KIF3A: variants seen among roughly 807,000 people sequenced by gnomAD.
KIF3A encodes the protein kinesin family member 3A.
Under a neutral mutation model 92.6 loss-of-function variants are expected in KIF3A, and 27 were observed. The observed-to-expected ratio is 0.29, with a 90% CI of 0.21 to 0.40. The LOEUF is 0.40. Among genes scored for constraint, KIF3A ranks in the 10% least tolerant of loss-of-function variants. The pLI is 1.00. For synonymous variants in KIF3A, 250 were observed against 275.4 expected, an observed-to-expected ratio of 0.91 and a Z score of 0.92; for missense variants, 581 against 872.6, an observed-to-expected ratio of 0.67 and a Z score of 4.21.
rs966174399 is a variant in KIF3A, at chr5:132,700,386, C to T, written c.1939-102G>A. The stretch of plus-strand genomic sequence containing the variant: ...AAATCCTAACATTACACTAGTAAAA[C>T]ATGATTTGAATGCTAGAGCAGAAAG... On this transcript the variant is annotated intron_variant, in intron 16 of 18. Transcript: ENST00000403231. The T allele has an allele frequency of 1.9e-4, 144 of 776,182 alleles. No homozygotes were observed. The African/African-American group carries it at 2.3e-3, about 13-fold the overall frequency. The allele number at this position is 776,182 out of a possible 1,614,324, so 48.1% of individuals were successfully genotyped here.
At position 132,737,458 on chromosome 5, in the gene KIF3A, G is replaced by A. The variant is rs1382328832; in HGVS notation, c.-39C>T. The A allele has an allele frequency of 6.3e-7, 1 of 1,599,992 alleles. No individual in the cohort carries two copies. Among genetic ancestry groups the A allele is most frequent in the Non-Finnish European group, 8.5e-7 (1 of 1,174,048 alleles). On this transcript the variant is annotated 5_prime_UTR_variant, in exon 1 of 19. Transcript: ENST00000403231. Reference sequence around the variant, plus strand: ...CGTGCCCGGCGGACGTCCCCGCCCGGGGTGCAGCCCAGCGACACCGGGTGC... The same window carrying A: ...CGTGCCCGGCGGACGTCCCCGCCCGAGGTGCAGCCCAGCGACACCGGGTGC...
At chr5:132,724,813 A>T (rs1377408307) in intron 4 of KIF3A, among the ~76,000 whole-genome samples, 303 of 7,480 alleles carry the variant, frequency 0.041, 31 homozygotes, top group African/African-American at 0.086. Flanking sequence ...AAAAATATAT[A>T]TATATATATA....
intron 4 of KIF3A, among the ~76,000 whole-genome samples, chr5:132,724,800 AAAAAAAATATATAT>A (rs1561708542): frequency 1.4e-4 from 5 of 36,902 alleles, no homozygotes; most frequent in African/African-American, 6.0e-4. Flanking sequence ...AATAAAAAAA[AAAAAAAATATATAT>A]ATATATATAT....
chr5:132,719,392 T>C (rs1476816708), intron 5 of KIF3A, among the ~76,000 whole-genome samples: 1 of 152,244 alleles, frequency 6.6e-6, no homozygotes. Context: ...AATTGATTTT[T>C]GAAGTTTTGT....
chr5:132,709,057 T>C lies in KIF3A; in HGVS notation c.1229-79A>G, dbSNP rs1753325484. ...AATGAACACACACACAGAGAAAAATTCAGTTTTCAGAGAAAAAAATTTTAA... is the reference window on the plus strand; with the variant it reads ...AATGAACACACACACAGAGAAAAATCCAGTTTTCAGAGAAAAAAATTTTAA... On this transcript the variant is annotated intron_variant, in intron 9 of 18. Transcript: ENST00000403231. The C allele has an allele frequency of 8.7e-6, 10 of 1,147,768 alleles. No homozygotes were observed. In the South Asian group the frequency reaches 1.4e-4, roughly 16 times the overall value. 71.1% of individuals were successfully genotyped at this position (1,147,768 alleles called of 1,614,324 possible).
rs1483076369 is a variant in KIF3A, at chr5:132,692,668, C to T, written c.*3966G>A. The stretch of plus-strand genomic sequence containing the variant: ...TTTTTATTCTTATTTAACCATGCTG[C>T]ATGTATACATACAATACCAATATAT... On this transcript the variant is annotated 3_prime_UTR_variant, in exon 19 of 19. Transcript: ENST00000403231. 1.3e-5 allele frequency: 2 copies of T among 152,638 alleles called. No individual in the cohort carries two copies. Among genetic ancestry groups the T allele is most frequent in the Non-Finnish European group, 2.9e-5 (2 of 68,030 alleles). The allele number at this position is 152,638 out of a possible 1,614,324, so 9.5% of individuals were successfully genotyped here. A position where few individuals can be genotyped will look rare whatever the true frequency, so the allele number is the denominator to read the frequency against.
chr5:132,714,551 T>C lies in KIF3A; in HGVS notation c.1129+1206A>G, dbSNP rs577279587. Among the ~76,000 whole-genome samples, 33 of 152,310 alleles carry C rather than the reference T, an allele frequency of 2.2e-4. No individual in the cohort carries two copies. The South Asian group carries it at 6.4e-3, about 30-fold the overall frequency. On this transcript the variant is annotated intron_variant, in intron 8 of 18. Coordinates refer to ENST00000403231, the MANE Select transcript of KIF3A (RefSeq NM_001300791.2). The stretch of plus-strand genomic sequence containing the variant: ...AGTAGATACTCCATGATTTTACTTA[T>C]ATGAGGTACCTAGAATAGTCAAATT...
rs1027035392 is a variant in KIF3A at position 132,695,914 on chromosome 5, A to G, written c.*720T>C. The G allele has an allele frequency of 6.6e-6, 1 of 152,368 alleles. No homozygotes were observed. The highest frequency in any genetic ancestry group is 2.4e-5 in the African/African-American group (1 of 41,472). 9.4% of individuals were successfully genotyped at this position (152,368 alleles called of 1,614,324 possible). Reference sequence around the variant, plus strand: ...AACAGTAGATCCTTTATATTTACGTACAATTCAATGTTTCAAGAGAACATG... The same window carrying G: ...AACAGTAGATCCTTTATATTTACGTGCAATTCAATGTTTCAAGAGAACATG... On this transcript the variant is annotated 3_prime_UTR_variant, in exon 19 of 19. Transcript: ENST00000403231.
chr5:132,720,121 C>A (rs1009275587), intron 5 of KIF3A, among the ~76,000 whole-genome samples: 2 of 152,148 alleles, frequency 1.3e-5, no homozygotes, highest in Non-Finnish European at 2.9e-5. Flanking sequence ...GGATTACAGG[C>A]ATGAGCCACT....
At chr5:132,691,097 A>C (rs1441363184), downstream of KIF3A, among the ~76,000 whole-genome samples, 1 of 152,208 alleles carries the variant, frequency 6.6e-6, no homozygotes, top group Non-Finnish European at 1.5e-5. Context: ...TGTCTTGGAG[A>C]TACTTCAAGC....
intron 5 of KIF3A, among the ~76,000 whole-genome samples, chr5:132,719,399 T>G (rs1441599840): frequency 6.6e-6 from 1 of 152,252 alleles, no homozygotes; most frequent in South Asian, 2.1e-4. Context: ...TTTTGAAGTT[T>G]TGTTGTTTGA....
rs1752759004 is a variant in KIF3A at position 132,694,175 on chromosome 5, G to A, written c.*2459C>T. On this transcript the variant is annotated 3_prime_UTR_variant, in exon 19 of 19. Coordinates refer to ENST00000403231, the MANE Select transcript of KIF3A (RefSeq NM_001300791.2). ...CCCAGCACTTCGGGAGCCTGAGGCGGGTGGATCACTTAAGCTCTAGGAGTT... is the reference window on the plus strand; with the variant it reads ...CCCAGCACTTCGGGAGCCTGAGGCGAGTGGATCACTTAAGCTCTAGGAGTT... The A allele has an allele frequency of 6.6e-6, 1 of 152,116 alleles. No homozygotes were observed. Among genetic ancestry groups the A allele is most frequent in the Admixed American group, 6.6e-5 (1 of 15,248 alleles). 9.4% of individuals were successfully genotyped at this position (152,116 alleles called of 1,614,324 possible).
intron 9 of KIF3A, 106 bp downstream of exon 9, chr5:132,710,853 T>C: frequency 6.9e-7 from 1 of 1,457,952 alleles, no homozygotes; most frequent in Non-Finnish European, 9.4e-7. Context: ...CTGTTCTAAT[T>C]GTTATCTAAT....
chr5:132,696,849 G>C (rs899126751), intron 18 of KIF3A, among the ~76,000 whole-genome samples, 167 bp from the exon 19 acceptor site: 2 of 152,196 alleles, frequency 1.3e-5, no homozygotes, highest in East Asian at 3.8e-4. Flanking sequence ...GCCTTTTCAG[G>C]CTACGGGAAG....
chr5:132,702,851 A>C (rs761867342), intron 13 of KIF3A, 34 bp downstream of exon 13: 1 of 1,598,536 alleles, frequency 6.3e-7, no homozygotes, highest in Non-Finnish European at 8.5e-7. Flanking sequence ...TCTCTCTGGC[A>C]AAATACCAAA....
At position 132,716,941 on chromosome 5, in the gene KIF3A, G is replaced by C. The variant is rs1198521743; in HGVS notation, c.660C>G (p.Ser220=). Residue 220 remains serine (S), a synonymous_variant, in exon 6 of 19, where the codon TCC becomes TCG. Transcript: ENST00000403231. ...ATNMNEHSSR[S]HAIFTITIEC... ...CTATAGTAATTGTAAAGATGGCATG[G>C]GAACGGGAACTATGTTCGTTCATAT... 2 of 1,613,826 alleles carry C rather than the reference G, an allele frequency of 1.2e-6. No individual in the cohort carries two copies. The highest frequency in any genetic ancestry group is 4.5e-5 in the East Asian group (2 of 44,848).
Position 132,720,602 on chromosome 5 carries a change from T to C in KIF3A, c.616+7A>G. Reference sequence around the variant, plus strand: ...GATGCTTAATCACAATTACACACTATACTTACGATTTTTGTGGCCTAGCGT... The same window carrying C: ...GATGCTTAATCACAATTACACACTACACTTACGATTTTTGTGGCCTAGCGT... On this transcript the variant is annotated splice_region_variant and intron_variant, in intron 5 of 18. Coordinates refer to ENST00000403231, the MANE Select transcript of KIF3A (RefSeq NM_001300791.2). The C allele has an allele frequency of 6.4e-7, 1 of 1,569,552 alleles. No individual in the cohort carries two copies. Among genetic ancestry groups the C allele is most frequent in the Non-Finnish European group, 8.7e-7 (1 of 1,144,044 alleles).
intron 5 of KIF3A, among the ~76,000 whole-genome samples, chr5:132,719,388 T>C (rs1753749612): frequency 6.6e-6 from 1 of 152,264 alleles, no homozygotes; most frequent in Non-Finnish European, 1.5e-5. Context: ...ATGTAATTGA[T>C]TTTTGAAGTT....
intron 5 of KIF3A, among the ~76,000 whole-genome samples, chr5:132,717,274 A>C (rs898946224): frequency 6.6e-6 from 1 of 152,216 alleles, no homozygotes; most frequent in Non-Finnish European, 1.5e-5. Context: ...CCAAAAAACC[A>C]CATTAATTGG....
Sources: allele counts gnomAD v4.1 joint callset (sites outside exome capture counted in the v4.1 genomes callset), GRCh38; gene constraint gnomAD v4.1.1; transcripts MANE v1.5; gene names NCBI Gene and HGNC (gene_info 2026-07-23, HGNC 2026-07-21).